Variants in CADM2 observed in about 807,000 individuals in gnomAD.
CADM2 encodes the protein immunoglobulin superfamily member 4D.
A neutral mutation model predicts 49.8 loss-of-function variants in CADM2; 12 were observed. The ratio of observed to expected loss-of-function variants is 0.24; its 90% confidence interval spans 0.15 to 0.39. The LOEUF is 0.39. CADM2 is among the 10% of genes least tolerant of loss of function. The probability of loss-of-function intolerance (pLI) is 1.00; values close to 1 mark genes in which losing one functional copy is unlikely to be tolerated. For missense variants in CADM2, 378 were observed against 492.3 expected (o/e 0.77, Z 2.20); for synonymous variants, 214 against 175.4 (o/e 1.22, Z -1.74).
intron 1 of CADM2, among the ~76,000 whole-genome samples, chr3:85,445,053 A>G (rs1360419648): frequency 6.6e-6 from 1 of 152,116 alleles, no homozygotes; most frequent in East Asian, 1.9e-4. Context: ...ACTATTACTA[A>G]ATGAGTACAT....
chr3:85,322,121 A>G (rs2044629400), intron 1 of CADM2, among the ~76,000 whole-genome samples: 1 of 152,230 alleles, frequency 6.6e-6, no homozygotes, highest in Non-Finnish European at 1.5e-5. Context: ...GGGTCAAAGT[A>G]CATTTCAAAT....
intron 1 of CADM2, among the ~76,000 whole-genome samples, chr3:85,168,427 CACA>C (rs1346844262): frequency 1.3e-5 from 2 of 152,086 alleles, no homozygotes; most frequent in African/African-American, 4.8e-5. Flanking sequence ...TGTCAATGTT[CACA>C]ACATTATTGA....
intron 1 of CADM2, among the ~76,000 whole-genome samples, chr3:85,609,072 A>G (rs1041596038): frequency 2.0e-5 from 3 of 151,886 alleles, no homozygotes; most frequent in African/African-American, 7.3e-5. Flanking sequence ...ATGTTTTTTC[A>G]ATAGCTGTTT....
intron 1 of CADM2, among the ~76,000 whole-genome samples, chr3:85,619,187 G>A (rs2063894589): frequency 1.3e-5 from 2 of 152,006 alleles, no homozygotes; most frequent in Admixed American, 6.6e-5. Context: ...GACACCATGC[G>A]GATTGATAGT....
chr3:85,303,456 G>A (rs1213144782), intron 1 of CADM2, among the ~76,000 whole-genome samples: 2 of 151,748 alleles, frequency 1.3e-5, no homozygotes, highest in Non-Finnish European at 2.9e-5. Flanking sequence ...TGGGGACACG[G>A]GTGTTATATT....
At chr3:85,221,590 G>C (rs1257102821) in intron 1 of CADM2, among the ~76,000 whole-genome samples, 2 of 152,188 alleles carry the variant, frequency 1.3e-5, no homozygotes, top group Non-Finnish European at 2.9e-5. Context: ...GTATCTTTAT[G>C]GTTACTGTTT....
At chr3:85,948,756 C>T (rs1723043615) in intron 7 of CADM2, among the ~76,000 whole-genome samples, 1 of 150,982 alleles carries the variant, frequency 6.6e-6, no homozygotes, top group African/African-American at 2.4e-5. Context: ...GCAAACAATG[C>T]CAGTGTTTAA....
intron 3 of CADM2, among the ~76,000 whole-genome samples, chr3:85,805,963 A>G (rs1393417804): frequency 6.6e-6 from 1 of 152,190 alleles, no homozygotes; most frequent in Non-Finnish European, 1.5e-5. Flanking sequence ...GCTACACAGT[A>G]AAATCACTTA....
chr3:85,066,124 T>G, intron 1 of CADM2, among the ~76,000 whole-genome samples: 1 of 152,068 alleles, frequency 6.6e-6, no homozygotes, highest in Admixed American at 6.6e-5. Flanking sequence ...AGCAACCTAC[T>G]TCAGGTAGAG....
At chr3:85,486,501 T>C (rs76989602) in intron 1 of CADM2, among the ~76,000 whole-genome samples, 12,184 of 152,214 alleles carry the variant, frequency 0.08, 940 homozygotes, top group African/African-American at 0.18. Context: ...CTAAATTTTA[T>C]TTCTGCTCTT....
At chr3:85,971,808 A>G (rs190444992) in intron 8 of CADM2, among the ~76,000 whole-genome samples, 1 of 151,836 alleles carries the variant, frequency 6.6e-6, no homozygotes, top group Admixed American at 6.6e-5. Flanking sequence ...ATTTTTTCAA[A>G]TAAAGCATTG....
intron 1 of CADM2, among the ~76,000 whole-genome samples, chr3:85,555,080 TCTAA>T (rs1442214874): frequency 5.3e-5 from 8 of 151,222 alleles, no homozygotes; most frequent in African/African-American, 1.7e-4. Flanking sequence ...GAAAAAAAAA[TCTAA>T]CTGTGTGTCA....
intron 1 of CADM2, among the ~76,000 whole-genome samples, chr3:85,663,457 C>A (rs2107615382): frequency 6.6e-6 from 1 of 152,112 alleles, no homozygotes; most frequent in African/African-American, 2.4e-5. Flanking sequence ...ATTCTGCTTC[C>A]TATTTTCCTG....
intron 1 of CADM2, among the ~76,000 whole-genome samples, chr3:85,190,584 C>T (rs1405358243): frequency 1.3e-5 from 2 of 152,046 alleles, no homozygotes; most frequent in Non-Finnish European, 2.9e-5. Flanking sequence ...CCCAAACTCA[C>T]ACAAAATCAA....
chr3:85,318,980 T>A (rs2044536492), intron 1 of CADM2, among the ~76,000 whole-genome samples: 1 of 152,206 alleles, frequency 6.6e-6, no homozygotes, highest in Admixed American at 6.5e-5. Context: ...AAATTGTGAA[T>A]TTTTCAGATA....
At chr3:85,477,516 T>G (rs979627032) in intron 1 of CADM2, among the ~76,000 whole-genome samples, 5 of 151,928 alleles carry the variant, frequency 3.3e-5, no homozygotes, top group African/African-American at 1.2e-4. Context: ...TCTTTTCCCT[T>G]ATGTATTATT....
At chr3:85,975,042 CAGAT>C (rs982138105) in intron 8 of CADM2, among the ~76,000 whole-genome samples, 44 of 151,154 alleles carry the variant, frequency 2.9e-4, no homozygotes, top group Middle Eastern at 3.4e-3. Context: ...CTTAGATAGA[CAGAT>C]AGATAGATAG....
intron 3 of CADM2, among the ~76,000 whole-genome samples, chr3:85,826,457 T>C (rs529293382): frequency 9.2e-5 from 14 of 152,204 alleles, no homozygotes; most frequent in South Asian, 6.2e-4. Flanking sequence ...TAGTTGTTTT[T>C]CTTAAAATGA....
At chr3:85,647,759 C>G (rs369942294) in intron 1 of CADM2, among the ~76,000 whole-genome samples, 1 of 151,650 alleles carries the variant, frequency 6.6e-6, no homozygotes. Flanking sequence ...GTGACCCCTA[C>G]CCCTTATTAA....
Sources: allele counts gnomAD v4.1 joint callset (sites outside exome capture counted in the v4.1 genomes callset), GRCh38; gene constraint gnomAD v4.1.1; transcripts MANE v1.5; gene names NCBI Gene and HGNC (gene_info 2026-07-23, HGNC 2026-07-21).